Variants in ATP4B observed in about 807,000 individuals in gnomAD.
The protein encoded by ATP4B is ATPase H+/K+ transporting subunit beta.
In ATP4B, 27 loss-of-function variants were observed where a neutral mutation model predicts 35.3. That is an observed-to-expected ratio of 0.76 (90% CI 0.56 to 1.05). The LOEUF is 1.05. Among genes scored for constraint, ATP4B ranks in the 50% least tolerant of loss-of-function variants. The pLI, the probability that ATP4B is intolerant of heterozygous loss-of-function variation, is 0.00. For synonymous variants in ATP4B, 162 were observed against 156.0 expected (o/e 1.04, Z -0.29); for missense variants, 375 against 384.8 (o/e 0.97, Z 0.21).
intron 1 of ATP4B, among the ~76,000 whole-genome samples, chr13:113,656,039 C>T (rs1289263464): frequency 6.6e-6 from 1 of 152,274 alleles, no homozygotes. Flanking sequence ...CTCCTTTCCC[C>T]GCCGGGCGTC....
chr13:113,653,166 C>T, intron 3 of ATP4B, 94 bp from the exon 4 acceptor site: 2 of 1,474,556 alleles, frequency 1.4e-6, no homozygotes, highest in South Asian at 1.3e-5. Context: ...GTGCGAGTTT[C>T]TCATGAAATA....
rs2049728366 is a variant in ATP4B, at chr13:113,653,342, T to G, written c.334A>C (p.Thr112Pro). Residue 112 changes from threonine to proline, a missense_variant, in exon 3 of 7, where the codon ACT becomes CCT. By Grantham distance (38) the Thr-to-Pro change is conservative. Coordinates refer to ENST00000335288, the MANE Select transcript of ATP4B (RefSeq NM_000705.4). ...TCACCTGCTAGGAAGGCGTGGAGAG[T>G]CTGTGTGAGGTCTGCCCAGGTTCTG... ...DNRTWADLTQ[T>P]LHAFLAGYSP... 1 of 1,612,900 alleles carries G rather than the reference T, an allele frequency of 6.2e-7. No individual in the cohort carries two copies. Among genetic ancestry groups the G allele is most frequent in the Non-Finnish European group, 8.5e-7 (1 of 1,179,808 alleles).
intron 1 of ATP4B, among the ~76,000 whole-genome samples, chr13:113,655,488 G>A (rs939264627): frequency 2.0e-5 from 3 of 152,272 alleles, no homozygotes; most frequent in Non-Finnish European, 2.9e-5. Context: ...CATAGGCACC[G>A]GCAACTCAGG....
chr13:113,650,336 G>A lies in ATP4B; in HGVS notation c.714+70C>T. 1 of 1,434,938 alleles carries A rather than the reference G, an allele frequency of 7.0e-7. No individual in the cohort carries two copies. The allele number at this position is 1,434,938 out of a possible 1,614,324, so 88.9% of individuals were successfully genotyped here. A position where few individuals can be genotyped will look rare whatever the true frequency, so the allele number is the denominator to read the frequency against. ...ATTTTTCTACATGAAGGGGCTTATT[G>A]CTTTCCTTTCGCTAAGTGTGAGAGG... On this transcript the variant is annotated intron_variant, in intron 6 of 6. Coordinates refer to ENST00000335288, the MANE Select transcript of ATP4B (RefSeq NM_000705.4). The surrounding 1 kb of genome is among the most constrained non-coding windows in gnomAD (Gnocchi z 5.0).
intron 4 of ATP4B, among the ~76,000 whole-genome samples, chr13:113,652,197 T>G (rs10162046): frequency 0.17 from 25,128 of 152,076 alleles, 2,468 homozygotes; most frequent in African/African-American, 0.26. Flanking sequence ...GCTCCGAGGG[T>G]GGCAGCTGCC....
rs1290116746 is a variant in ATP4B at position 113,649,853 on chromosome 13, T to C, written c.715-318A>G. The stretch of plus-strand genomic sequence containing the variant: ...TCTTCGAAGTGGATATGCAGTTGTT[T>C]TAGAGGATCTGGGAAGTAGAAAAAT... On this transcript the variant is annotated intron_variant, in intron 6 of 6. Transcript: ENST00000335288. This position sits in a 1 kb window ranked among gnomAD's most constrained non-coding sequence, Gnocchi z 4.7. Among the ~76,000 whole-genome samples the C allele has an allele frequency of 6.6e-6, 1 of 152,150 alleles. No homozygotes were observed. The highest frequency in any genetic ancestry group is 2.4e-5 in the African/African-American group (1 of 41,438).
rs1388294997 is a variant in ATP4B at position 113,650,496 on chromosome 13, G to A, written c.624C>T (p.Arg208=). 6.8e-6 allele frequency: 11 copies of A among 1,612,532 alleles called. No homozygotes were observed. Among genetic ancestry groups the A allele is most frequent in the Middle Eastern group, 3.3e-4 (2 of 6,072 alleles). ...RVDCAFLDQP[R]ELGQPLQVKY... The stretch of plus-strand genomic sequence containing the variant: ...TGACCTGCAGCGGCTGGCCGAGCTC[G>A]CGGGGCTGGTCCTGGGGAGGAGAGG... The change falls in exon 6 of 7, where the codon CGC becomes CGT. Residue 208 remains arginine (R), a synonymous_variant. Coordinates refer to ENST00000335288, the MANE Select transcript of ATP4B (RefSeq NM_000705.4). The surrounding 1 kb of genome is among the most constrained non-coding windows in gnomAD (Gnocchi z 5.0).
At position 113,650,373 on chromosome 13, in the gene ATP4B, G is replaced by A. The variant is rs755838685; in HGVS notation, c.714+33C>T. On this transcript the variant is annotated intron_variant, in intron 6 of 6. Coordinates refer to ENST00000335288, the MANE Select transcript of ATP4B (RefSeq NM_000705.4). This position sits in a 1 kb window ranked among gnomAD's most constrained non-coding sequence, Gnocchi z 5.0. The stretch of plus-strand genomic sequence containing the variant: ...CTAAGTGTGAGAGGACTCAGCAGCT[G>A]TGGTGAGGGAAGCGTGGAAGGAAGG... 4 of 1,583,878 alleles carry A rather than the reference G, an allele frequency of 2.5e-6. No individual in the cohort carries two copies. The African/African-American group carries it at 5.4e-5, about 21-fold the overall frequency.
intron 5 of ATP4B, among the ~76,000 whole-genome samples, chr13:113,651,209 T>C (rs1238461205): frequency 6.6e-6 from 1 of 152,196 alleles, no homozygotes; most frequent in African/African-American, 2.4e-5. Context: ...AATTCAGTTT[T>C]AAAAAATGTT....
At chr13:113,656,336 G>T (rs1254491064) in intron 1 of ATP4B, among the ~76,000 whole-genome samples, 1 of 152,204 alleles carries the variant, frequency 6.6e-6, no homozygotes, top group African/African-American at 2.4e-5. Flanking sequence ...CTGCTCTGGG[G>T]CCCGTGGTGC....
chr13:113,650,563 T>C lies in ATP4B; in HGVS notation c.613-56A>G. 1.4e-6 allele frequency: 2 copies of C among 1,454,796 alleles called. No individual in the cohort carries two copies. The highest frequency in any genetic ancestry group is 1.9e-6 in the Non-Finnish European group (2 of 1,059,960). 90.1% of individuals were successfully genotyped at this position (1,454,796 alleles called of 1,614,324 possible). On this transcript the variant is annotated intron_variant, in intron 5 of 6. Transcript: ENST00000335288. This position sits in a 1 kb window ranked among gnomAD's most constrained non-coding sequence, Gnocchi z 5.0. ...GCGGGAGCTGGTGTGTGCCGGTGTCTGTGTGTTGCGTTTGTGTGCGTGTGT... is the reference window on the plus strand; with the variant it reads ...GCGGGAGCTGGTGTGTGCCGGTGTCCGTGTGTTGCGTTTGTGTGCGTGTGT...
intron 1 of ATP4B, among the ~76,000 whole-genome samples, chr13:113,656,572 G>A (rs2049757065): frequency 6.6e-6 from 1 of 152,192 alleles, no homozygotes; most frequent in Non-Finnish European, 1.5e-5. Flanking sequence ...GTTGGGAGGT[G>A]ACTGAGAGTC....
chr13:113,649,666 C>G lies in ATP4B; in HGVS notation c.715-131G>C. ...CTCTTTTGTGTAAGACTGGCCCTGA[C>G]CGAGTGCATGCCCTGGAATTTGCTG... On this transcript the variant is annotated intron_variant, in intron 6 of 6. Transcript: ENST00000335288. This position sits in a 1 kb window ranked among gnomAD's most constrained non-coding sequence, Gnocchi z 4.7. The G allele has an allele frequency of 9.6e-7, 1 of 1,044,688 alleles. No individual in the cohort carries two copies. Among genetic ancestry groups the G allele is most frequent in the South Asian group, 2.1e-5 (1 of 48,542 alleles). The allele number at this position is 1,044,688 out of a possible 1,614,324, so 64.7% of individuals were successfully genotyped here. A position where few individuals can be genotyped will look rare whatever the true frequency, so the allele number is the denominator to read the frequency against.
intron 1 of ATP4B, among the ~76,000 whole-genome samples, chr13:113,656,914 T>A (rs1467687557): frequency 6.6e-6 from 1 of 151,980 alleles, no homozygotes; most frequent in African/African-American, 2.4e-5. Context: ...CCTCAGCTCC[T>A]TCCCCATCCT....
Position 113,654,850 on chromosome 13 carries a change from A to G in ATP4B, c.205T>C (p.Tyr69His), listed in dbSNP as rs1232290253. 2.5e-5 allele frequency: 40 copies of G among 1,614,106 alleles called. No homozygotes were observed. Among genetic ancestry groups the G allele is most frequent in the Non-Finnish European group, 3.2e-5 (38 of 1,180,042 alleles). ...LYVLMQTVDP[Y>H]TPDYQDQLRS... ...AGCTGGTCTTGGTAGTCCGGTGTGT[A>G]CGGGTCCACTGTCTGCATCAGCACA... The change falls in exon 2 of 7, where the codon TAC becomes CAC. Residue 69 changes from tyrosine (Y) to histidine (H), a missense_variant. Physicochemically the swap from Tyr to His is moderately conservative, Grantham distance 83. Transcript: ENST00000335288.
chr13:113,651,614 C>T (rs973577609), intron 5 of ATP4B, 57 bp downstream of exon 5: 9 of 1,513,698 alleles, frequency 5.9e-6, no homozygotes, highest in Admixed American at 4.3e-5. Context: ...TGAACCAGCA[C>T]GACCCTGACA....
chr13:113,649,615 A>G lies in ATP4B; in HGVS notation c.715-80T>C. The stretch of plus-strand genomic sequence containing the variant: ...GAGAAAACTAAGCAAGGAAGTGTCA[A>G]CAGTCAGGTTGGTGCAGAGAAGCAG... On this transcript the variant is annotated intron_variant, in intron 6 of 6. Coordinates refer to ENST00000335288, the MANE Select transcript of ATP4B (RefSeq NM_000705.4). The surrounding 1 kb of genome is among the most constrained non-coding windows in gnomAD (Gnocchi z 4.7). The G allele has an allele frequency of 7.0e-7, 1 of 1,420,202 alleles. No individual in the cohort carries two copies. Among genetic ancestry groups the G allele is most frequent in the South Asian group, 1.5e-5 (1 of 66,398 alleles). 88.0% of individuals were successfully genotyped at this position (1,420,202 alleles called of 1,614,324 possible). A position where few individuals can be genotyped will look rare whatever the true frequency, so the allele number is the denominator to read the frequency against.
chr13:113,654,903 A>T lies in ATP4B; in HGVS notation c.152T>A (p.Met51Lys). 6.2e-7 allele frequency: 1 copy of T among 1,614,260 alleles called. No individual in the cohort carries two copies. The highest frequency in any genetic ancestry group is 8.5e-7 in the Non-Finnish European group (1 of 1,180,042). The change falls in exon 2 of 7, where the codon ATG becomes AAG. Residue 51 changes from methionine (M) to lysine (K), a missense_variant. Met to Lys is a moderately conservative substitution (Grantham distance 95, BLOSUM62 -1). Transcript: ENST00000335288. ...SLYYVAFYVV[M>K]TGLFALCLYV... is the part of the protein sequence containing the mutation. ...GAGGCACAGGGCGAAGAGCCCAGTC[A>T]TCACCACGTAGAAGGCCACGTAGTA...
chr13:113,653,689 T>G (rs2049731556), intron 2 of ATP4B, among the ~76,000 whole-genome samples: 1 of 152,148 alleles, frequency 6.6e-6, no homozygotes, highest in Non-Finnish European at 1.5e-5. Flanking sequence ...TGGCTGGCTC[T>G]CTCCACCGGG....
Sources: gnomAD v4.1 joint callset for allele counts (sites outside exome capture counted in the v4.1 genomes callset) on GRCh38, gnomAD v4.1.1 for gene constraint, Gnocchi (gnomAD v3.1) non-coding constraint, MANE v1.5 for transcripts, NCBI Gene and HGNC (gene_info 2026-07-23, HGNC 2026-07-21) for gene names.